The following AFAP1L2 variants were observed in gnomAD, a reference collection of about 807,000 sequenced individuals.
AFAP1L2 encodes actin filament associated protein 1 like 2.
Under a neutral mutation model 99.3 loss-of-function variants are expected in AFAP1L2, and 46 were observed. That is an observed-to-expected ratio of 0.46 (90% CI 0.37 to 0.59). The LOEUF (loss-of-function observed/expected upper bound fraction) is 0.59, where lower values mean the gene tolerates loss of function less well. Ranked by LOEUF, AFAP1L2 falls within the 20% of genes least tolerant of loss-of-function variation. The pLI is 0.00. For synonymous variants in AFAP1L2, 397 were observed against 419.1 expected (o/e 0.95, Z 0.64); for missense variants, 959 against 1,034.9 (o/e 0.93, Z 1.01).
rs1281320744 is a variant in AFAP1L2, at chr10:114,363,042, C to T, written c.17-22311G>A. On this transcript the variant is annotated intron_variant, in intron 1 of 18. Coordinates refer to ENST00000304129, the MANE Select transcript of AFAP1L2 (RefSeq NM_001001936.3). ...ATGGAGCCCACCAGAGAGGACTGTG[C>T]CCAGGCTGCTCTCCGCTGGGGTCGG... The T allele has an allele frequency of 3.0e-6, 3 of 985,272 alleles. No homozygotes were observed. The African/African-American group carries it at 5.2e-5, about 17-fold the overall frequency. The allele number at this position is 985,272 out of a possible 1,614,324, so 61.0% of individuals were successfully genotyped here.
the AFAP1L2 span, among the ~76,000 whole-genome samples, chr10:114,284,312 C>T: frequency 2.0e-5 from 3 of 152,106 alleles, no homozygotes; most frequent in Non-Finnish European, 4.4e-5. Flanking sequence ...TCATTTAATC[C>T]TCACAATAAC....
At chr10:114,355,176 T>C (rs2051133235) in intron 1 of AFAP1L2, among the ~76,000 whole-genome samples, 1 of 151,712 alleles carries the variant, frequency 6.6e-6, no homozygotes, top group South Asian at 2.1e-4. Context: ...TAAACCACAG[T>C]GGAGTATAGC....
At chr10:114,376,459 T>C (rs1390053525) in intron 1 of AFAP1L2, among the ~76,000 whole-genome samples, 1 of 152,224 alleles carries the variant, frequency 6.6e-6, no homozygotes, top group Non-Finnish European at 1.5e-5. Context: ...GACTAGCATA[T>C]AGACAGTCTA....
chr10:114,328,984 A>G (rs2046846461), intron 4 of AFAP1L2, among the ~76,000 whole-genome samples: 2 of 152,204 alleles, frequency 1.3e-5, no homozygotes, highest in East Asian at 3.9e-4. Context: ...CACAGCAGAG[A>G]AAGTCCACAA....
At position 114,343,041 on chromosome 10, in the gene AFAP1L2, T is replaced by C. The variant is rs114858753; in HGVS notation, c.17-2310A>G. ...ATGAAAGAATCCCATGGCTGAATTA[T>C]AAGAAAAATAAATTAGTGGCCTGGA... On this transcript the variant is annotated intron_variant, in intron 1 of 18. Transcript: ENST00000304129. 8.9e-3 allele frequency among the ~76,000 whole-genome samples: 1,361 copies of C among 152,314 alleles called. 22 individuals are homozygous for C. The highest frequency in any genetic ancestry group is 0.03 in the African/African-American group (1,260 of 41,574).
Position 114,302,496 on chromosome 10 carries a change from C to T in AFAP1L2, c.1285-12G>A, listed in dbSNP as rs1201907441. 2 of 1,613,586 alleles carry T rather than the reference C, an allele frequency of 1.2e-6. No individual in the cohort carries two copies. The highest frequency in any genetic ancestry group is 4.5e-5 in the East Asian group (2 of 44,888). On this transcript the variant is annotated splice_polypyrimidine_tract_variant and intron_variant, in intron 11 of 18. Transcript: ENST00000304129. ...TCGGAAGACTTGGCCTGGAACGAGG[C>T]CAAGAGAGACATAAGCAGGGCCAGG... is the stretch of plus-strand genomic sequence containing the variant.
chr10:114,283,064 C>T, the AFAP1L2 span, among the ~76,000 whole-genome samples: 3 of 152,170 alleles, frequency 2.0e-5, no homozygotes, highest in African/African-American at 7.2e-5. Flanking sequence ...GAGGAATCAT[C>T]GATGCCATTA....
chr10:114,399,046 C>T (rs1270053909), intron 1 of AFAP1L2: 30 of 586,526 alleles, frequency 5.1e-5, no homozygotes, highest in Admixed American at 8.0e-5. Flanking sequence ...AGCTAGAGCA[C>T]GGGAGAATAT....
the AFAP1L2 span, chr10:114,288,922 C>T: frequency 4.4e-6 from 7 of 1,586,388 alleles, no homozygotes; most frequent in African/African-American, 1.3e-5. Flanking sequence ...TGAAGCCCCT[C>T]TGCTTGCTCC....
the AFAP1L2 span, chr10:114,285,907 C>T: frequency 3.2e-6 from 5 of 1,551,746 alleles, no homozygotes; most frequent in South Asian, 4.9e-5. Flanking sequence ...ATGACCATGG[C>T]TTGACAGTGG....
At chr10:114,316,688 G>A (rs1191909935) in intron 5 of AFAP1L2, among the ~76,000 whole-genome samples, 2 of 152,094 alleles carry the variant, frequency 1.3e-5, no homozygotes, top group Non-Finnish European at 2.9e-5. Flanking sequence ...TCTATTCAAG[G>A]ACAAAACAAA....
Position 114,295,970 on chromosome 10 carries a change from T to A in AFAP1L2, c.*72A>T, listed in dbSNP as rs1336001050. The A allele has an allele frequency of 1.2e-6, 2 of 1,613,130 alleles. No individual in the cohort carries two copies. The highest frequency in any genetic ancestry group is 2.7e-5 in the African/African-American group (2 of 74,892). ...AAACAGACTCACCCTTTCGCATAGTTTTTGCTTTAACAAAGCAGGATTGTC... is the reference window on the plus strand; with the variant it reads ...AAACAGACTCACCCTTTCGCATAGTATTTGCTTTAACAAAGCAGGATTGTC... On this transcript the variant is annotated 3_prime_UTR_variant, in exon 19 of 19. Coordinates refer to ENST00000304129, the MANE Select transcript of AFAP1L2 (RefSeq NM_001001936.3).
intron 10 of AFAP1L2, among the ~76,000 whole-genome samples, chr10:114,305,930 A>ACG (rs2042259906): frequency 2.4e-5 from 2 of 82,080 alleles, no homozygotes; most frequent in African/African-American, 4.8e-5. Context: ...GCAGGAGGGG[A>ACG]CGGGGCTGCA....
Position 114,392,302 on chromosome 10 carries a change from T to C in AFAP1L2, c.16+12138A>G, listed in dbSNP as rs114820857. 3.4e-3 allele frequency among the ~76,000 whole-genome samples: 514 copies of C among 152,278 alleles called. 4 individuals carry two copies. The highest frequency in any genetic ancestry group is 0.012 in the African/African-American group (485 of 41,566). Reference sequence around the variant, plus strand: ...CTGCTCAGGAGACTGAGTCAGAGGATGGCTTGAGCTCAGGAATTTGAGACT... The same window carrying C: ...CTGCTCAGGAGACTGAGTCAGAGGACGGCTTGAGCTCAGGAATTTGAGACT... On this transcript the variant is annotated intron_variant, in intron 1 of 18. Coordinates refer to ENST00000304129, the MANE Select transcript of AFAP1L2 (RefSeq NM_001001936.3).
chr10:114,339,904 C>T (rs113593455), intron 2 of AFAP1L2, among the ~76,000 whole-genome samples: 4,004 of 150,202 alleles, frequency 0.027, 195 homozygotes, highest in African/African-American at 0.093. Flanking sequence ...CCAGCTACTC[C>T]GGAAGCTGAG....
At chr10:114,296,288 T>C in intron 18 of AFAP1L2, 1 of 576,914 alleles carries the variant, frequency 1.7e-6, no homozygotes, top group Non-Finnish European at 3.1e-6. Context: ...GTGATGTCTC[T>C]CACAGCAACA....
rs2045670399 is a variant in AFAP1L2 at position 114,323,238 on chromosome 10, G to A, written c.339C>T (p.Ala113=). 2.5e-6 allele frequency: 4 copies of A among 1,599,448 alleles called. No homozygotes were observed. Among genetic ancestry groups the A allele is most frequent in the Non-Finnish European group, 2.6e-6 (3 of 1,171,992 alleles). The change falls in exon 5 of 19, where the codon GCC becomes GCT. Residue 113 remains alanine (A), a synonymous_variant. Transcript: ENST00000304129. Reference sequence around the variant, plus strand: ...CCTCTGGAGACTCCGTCTTTGGGATGGCAAGCTGTTTCCGTTCTGGAATCT... The same window carrying A: ...CCTCTGGAGACTCCGTCTTTGGGATAGCAAGCTGTTTCCGTTCTGGAATCT... ...PKMIPERKQL[A]IPKTESPEGY...
At chr10:114,282,400 T>C in the AFAP1L2 span, 1 of 819,860 alleles carries the variant, frequency 1.2e-6, no homozygotes, top group South Asian at 1.5e-5. Context: ...CAGGAAGTCT[T>C]TCTTACTTCT....
At chr10:114,369,026 T>TA (rs1206234480) in intron 1 of AFAP1L2, among the ~76,000 whole-genome samples, 1 of 152,178 alleles carries the variant, frequency 6.6e-6, no homozygotes, top group African/African-American at 2.4e-5. Context: ...ATTTAATAAC[T>TA]ATAACAAAAT....
Sources: allele counts gnomAD v4.1 joint callset (sites outside exome capture counted in the v4.1 genomes callset), GRCh38; gene constraint gnomAD v4.1.1; transcripts MANE v1.5; gene names NCBI Gene and HGNC (gene_info 2026-07-23, HGNC 2026-07-21).